The following LIPC variants were observed in gnomAD, a reference collection of about 807,000 sequenced individuals.
LIPC encodes hepatic triacylglycerol lipase.
LIPC carries 44 observed loss-of-function variants against 50.7 expected under a neutral mutation model. The observed-to-expected ratio is 0.87, with a 90% confidence interval of 0.68 to 1.11. LIPC has a LOEUF of 1.11. Ranked by LOEUF, LIPC falls within the 50% of genes most tolerant of loss-of-function variation. The pLI is 0.00. For synonymous variants in LIPC, 271 were observed against 256.4 expected, an observed-to-expected ratio of 1.06 and a Z score of -0.54; for missense variants, 697 against 648.2, an observed-to-expected ratio of 1.08 and a Z score of -0.82.
chr15:58,522,432 C>T (rs1892685004), intron 1 of LIPC: 2 of 152,442 alleles, frequency 1.3e-5, no homozygotes, highest in Admixed American at 1.3e-4. Context: ...TCTAGTAACA[C>T]ATTCCCTGGG....
At chr15:58,499,076 G>T (rs991829061) in intron 1 of LIPC, among the ~76,000 whole-genome samples, 4 of 152,200 alleles carry the variant, frequency 2.6e-5, no homozygotes, top group Non-Finnish European at 4.4e-5. Context: ...GAGAGGCCAG[G>T]CTGGGGTGGG....
chr15:58,509,456 C>T (rs1014963175), intron 1 of LIPC, among the ~76,000 whole-genome samples: 2 of 152,216 alleles, frequency 1.3e-5, no homozygotes, highest in Non-Finnish European at 2.9e-5. Flanking sequence ...GTCTCAGGTT[C>T]CCCATTTGCA....
At chr15:58,544,004 G>A (rs940550259) in intron 4 of LIPC, among the ~76,000 whole-genome samples, 18 of 152,208 alleles carry the variant, frequency 1.2e-4, no homozygotes, top group Non-Finnish European at 2.6e-4. Context: ...AAAGAATGGG[G>A]ATAATGGCAG....
At chr15:58,433,767 C>T (rs1233157885) in intron 1 of LIPC, among the ~76,000 whole-genome samples, 1 of 152,192 alleles carries the variant, frequency 6.6e-6, no homozygotes, top group African/African-American at 2.4e-5. Flanking sequence ...CTTCTTTCCC[C>T]GGGGCCTAGT....
At chr15:58,526,209 C>T (rs1314040587) in intron 1 of LIPC, among the ~76,000 whole-genome samples, 13 of 152,218 alleles carry the variant, frequency 8.5e-5, no homozygotes, top group African/African-American at 2.7e-4. Flanking sequence ...CACATGAATA[C>T]ATGAGAACCA....
intron 1 of LIPC, among the ~76,000 whole-genome samples, chr15:58,503,644 G>C (rs1262441545): frequency 6.6e-6 from 1 of 152,220 alleles, no homozygotes; most frequent in African/African-American, 2.4e-5. Flanking sequence ...GTGAAGGGCA[G>C]GGTTCCACTG....
intron 1 of LIPC, among the ~76,000 whole-genome samples, chr15:58,476,800 T>C (rs764117412): frequency 6.6e-5 from 10 of 152,238 alleles, no homozygotes; most frequent in Non-Finnish European, 1.3e-4. Flanking sequence ...AAGGCTGTGG[T>C]CAGAATGTGC....
At chr15:58,567,285 A>G (rs185029538) in intron 8 of LIPC, among the ~76,000 whole-genome samples, 51,487 of 99,496 alleles carry the variant, frequency 0.52, 11,808 homozygotes, top group African/African-American at 0.65. Context: ...GTGTGTGTAT[A>G]TATATATACA....
At chr15:58,468,428 C>T (rs542052321) in intron 1 of LIPC, among the ~76,000 whole-genome samples, 1 of 152,180 alleles carries the variant, frequency 6.6e-6, no homozygotes, top group African/African-American at 2.4e-5. Context: ...AATGAGGGCC[C>T]ACAATCTGGG....
chr15:58,499,725 C>G (rs1024775765), intron 1 of LIPC, among the ~76,000 whole-genome samples: 1 of 152,258 alleles, frequency 6.6e-6, no homozygotes, highest in African/African-American at 2.4e-5. Context: ...AGGAGCCACC[C>G]GAAATGCTAA....
rs138056408 is a variant in LIPC, at chr15:58,467,229, G to A, written c.88+35109G>A. 1.1e-3 allele frequency among the ~76,000 whole-genome samples: 167 copies of A among 152,276 alleles called. 2 individuals carry two copies. Among genetic ancestry groups the A allele is most frequent in the Middle Eastern group, 0.01 (3 of 294 alleles). ...ACTAAAAGCTGAAATGGACTTCCGT[G>A]ATCACCTGACCCACTCATCCCTGAC... On this transcript the variant is annotated intron_variant, in intron 1 of 8. Coordinates refer to ENST00000299022, the MANE Select transcript of LIPC (RefSeq NM_000236.3).
At chr15:58,486,813 TCA>T (rs1444239268) in intron 1 of LIPC, among the ~76,000 whole-genome samples, 1 of 152,222 alleles carries the variant, frequency 6.6e-6, no homozygotes, top group East Asian at 1.9e-4. Flanking sequence ...TGGAATCCCT[TCA>T]CAGATAGGTT....
chr15:58,484,809 G>T (rs1025590172), intron 1 of LIPC, among the ~76,000 whole-genome samples: 12 of 152,234 alleles, frequency 7.9e-5, no homozygotes, highest in Admixed American at 7.9e-4. Context: ...AACTGAGAAT[G>T]CTACAGAACA....
intron 1 of LIPC, among the ~76,000 whole-genome samples, chr15:58,520,838 AAC>A (rs1892631846): frequency 6.6e-6 from 1 of 152,234 alleles, no homozygotes; most frequent in African/African-American, 2.4e-5. Flanking sequence ...TATCACAGGA[AAC>A]AGTTTGAGAT....
intron 6 of LIPC, among the ~76,000 whole-genome samples, chr15:58,558,556 T>C (rs528015213): frequency 5.3e-5 from 8 of 152,326 alleles, no homozygotes; most frequent in South Asian, 2.1e-4. Flanking sequence ...CGAGCAAGCA[T>C]AACCGCCTGA....
chr15:58,437,636 A>C (rs1199591493), intron 1 of LIPC, among the ~76,000 whole-genome samples: 1 of 152,046 alleles, frequency 6.6e-6, no homozygotes, highest in Non-Finnish European at 1.5e-5. Flanking sequence ...CCGACCTGCC[A>C]CCAGCACCCA....
intron 1 of LIPC, among the ~76,000 whole-genome samples, chr15:58,519,594 C>G (rs1187283895): frequency 1.3e-5 from 2 of 152,180 alleles, no homozygotes; most frequent in African/African-American, 4.8e-5. Flanking sequence ...CCATTTTTCT[C>G]TGTCTTCTTC....
chr15:58,478,379 C>T (rs1262818873), intron 1 of LIPC, among the ~76,000 whole-genome samples: 1 of 152,172 alleles, frequency 6.6e-6, no homozygotes, highest in Non-Finnish European at 1.5e-5. Context: ...CCTGGGACTA[C>T]AGGCGCACAC....
intron 8 of LIPC, among the ~76,000 whole-genome samples, chr15:58,567,896 T>C (rs1401310332): frequency 6.6e-6 from 1 of 152,210 alleles, no homozygotes; most frequent in East Asian, 1.9e-4. Context: ...GGTTCTTTAT[T>C]ATTTGGCTTC....
Sources: allele counts gnomAD v4.1 joint callset (sites outside exome capture counted in the v4.1 genomes callset), GRCh38; gene constraint gnomAD v4.1.1; transcripts MANE v1.5; gene names NCBI Gene and HGNC (gene_info 2026-07-23, HGNC 2026-07-21).